Variants in CNBD1 observed in about 807,000 individuals in gnomAD.
The protein encoded by CNBD1 is cyclic nucleotide binding domain containing 1, also known as cyclic nucleotide-binding domain-containing protein 1.
CNBD1 carries 71 observed loss-of-function variants against 54.4 expected under a neutral mutation model. The observed-to-expected ratio is 1.30, with a 90% CI of 1.08 to 1.59. The LOEUF (loss-of-function observed/expected upper bound fraction) is 1.59. Among genes scored for constraint, CNBD1 ranks in the 40% most tolerant of loss-of-function variants. The pLI is 0.00. For missense variants in CNBD1, 659 were observed against 518.0 expected, an observed-to-expected ratio of 1.27 and a Z score of -2.64; for synonymous variants, 182 against 170.7, an observed-to-expected ratio of 1.07 and a Z score of -0.51.
chr8:87,308,611 C>T (rs1809203589), intron 8 of CNBD1, among the ~76,000 whole-genome samples: 1 of 152,184 alleles, frequency 6.6e-6, no homozygotes, highest in Non-Finnish European at 1.5e-5. Flanking sequence ...CAAATCTTCT[C>T]TTCCAGCTAT....
At chr8:86,948,296 C>A (rs1807518345) in intron 4 of CNBD1, among the ~76,000 whole-genome samples, 1 of 152,046 alleles carries the variant, frequency 6.6e-6, no homozygotes, top group South Asian at 2.1e-4. Flanking sequence ...ATTGCTGGAT[C>A]ATATACCTCT....
chr8:87,258,584 G>A (rs906143884), intron 6 of CNBD1, among the ~76,000 whole-genome samples: 8 of 151,806 alleles, frequency 5.3e-5, no homozygotes, highest in Admixed American at 2.0e-4. Context: ...ACCATGCCAG[G>A]CCAAAATTTT....
chr8:87,120,770 G>A (rs952885971), intron 4 of CNBD1, among the ~76,000 whole-genome samples: 7 of 151,672 alleles, frequency 4.6e-5, no homozygotes, highest in African/African-American at 1.7e-4. Context: ...ATTTTCATTT[G>A]TTTAAAGTAA....
At chr8:87,391,664 C>G (rs1811312888) in intron 2 of CNBD1, among the ~76,000 whole-genome samples, 1 of 151,962 alleles carries the variant, frequency 6.6e-6, no homozygotes, top group Non-Finnish European at 1.5e-5. Context: ...TGGATCCACA[C>G]TTTGCACAAA....
intron 5 of CNBD1, among the ~76,000 whole-genome samples, chr8:87,234,334 A>G (rs1251062998): frequency 6.6e-6 from 1 of 152,208 alleles, no homozygotes; most frequent in East Asian, 1.9e-4. Flanking sequence ...TACTTTGCCC[A>G]GCTCCATCAG....
At chr8:87,196,321 GT>G (rs1563503805) in intron 4 of CNBD1, among the ~76,000 whole-genome samples, 21 of 152,274 alleles carry the variant, frequency 1.4e-4, no homozygotes, top group African/African-American at 5.1e-4. Context: ...TTTGTTTTGG[GT>G]TACTCTTCAA....
chr8:87,396,465 A>G (rs1436525744), intron 2 of CNBD1, among the ~76,000 whole-genome samples: 1 of 151,910 alleles, frequency 6.6e-6, no homozygotes, highest in Admixed American at 6.6e-5. Context: ...TTATAATACT[A>G]TGTATGCCTG....
At chr8:87,277,042 A>C (rs1273262171) in intron 6 of CNBD1, among the ~76,000 whole-genome samples, 2 of 151,140 alleles carry the variant, frequency 1.3e-5, no homozygotes, top group Non-Finnish European at 3.0e-5. Context: ...TCTTACATTT[A>C]TGAAAGTGCT....
chr8:87,396,545 A>T (rs1480940296), intron 2 of CNBD1, among the ~76,000 whole-genome samples: 1 of 151,814 alleles, frequency 6.6e-6, no homozygotes, highest in Non-Finnish European at 1.5e-5. Context: ...ATTGACTTTT[A>T]TATTTGTATT....
In CNBD1 at chr8:87,005,582, A is replaced by AAT. The variant is rs544061131; in HGVS notation, c.431+65837_431+65838dup. ...ACTTCTGCTTGCCTATTTATTAAGA[A>AAT]ATATATATATTTCTTTTGACCTAGG... On this transcript the variant is annotated intron_variant, in intron 4 of 10. Coordinates refer to ENST00000518476, the MANE Select transcript of CNBD1 (RefSeq NM_173538.3). Among the ~76,000 whole-genome samples, 22 of 151,890 alleles carry AAT rather than the reference A, an allele frequency of 1.4e-4. No individual in the cohort carries two copies. In the South Asian group the frequency reaches 1.9e-3, roughly 13 times the overall value.
chr8:87,172,564 G>C (rs961862690), intron 4 of CNBD1, among the ~76,000 whole-genome samples: 3 of 151,752 alleles, frequency 2.0e-5, no homozygotes, highest in East Asian at 1.9e-4. Context: ...CCAATGTTAC[G>C]TGTATATATA....
At chr8:87,243,685 C>T (rs775464036) in intron 6 of CNBD1, among the ~76,000 whole-genome samples, 17 of 152,004 alleles carry the variant, frequency 1.1e-4, no homozygotes, top group Non-Finnish European at 2.2e-4. Flanking sequence ...ACAAAATGAA[C>T]GGCAACTAGA....
At chr8:87,414,219 G>C (rs1056580101) in intron 2 of CNBD1, among the ~76,000 whole-genome samples, 4 of 152,104 alleles carry the variant, frequency 2.6e-5, no homozygotes, top group East Asian at 1.9e-4. Context: ...CATGTCCTTT[G>C]TAGGGACATG....
rs547844388 is a variant in CNBD1, at chr8:87,369,149, G to A, written c.1304-13471G>A. ...TTGTATAAATTTTGGCTAGATTTTT[G>A]GCTAAATGATATTTAATAATGGCCT... On this transcript the variant is annotated intron_variant, in intron 10 of 10. Transcript: ENST00000518476. Among the ~76,000 whole-genome samples the A allele has an allele frequency of 7.5e-4, 114 of 151,700 alleles. 1 individual carries two copies. Among genetic ancestry groups the A allele is most frequent in the African/African-American group, 2.6e-3 (107 of 41,368 alleles).
At chr8:87,091,139 C>CA (rs751329879) in intron 4 of CNBD1, among the ~76,000 whole-genome samples, 22,530 of 73,736 alleles carry the variant, frequency 0.31, 2,837 homozygotes, top group Non-Finnish European at 0.35. Flanking sequence ...GACTCTGTCT[C>CA]AAAAAAAAAA....
chr8:87,380,863 C>A (rs183572870), intron 10 of CNBD1, among the ~76,000 whole-genome samples: 2 of 151,820 alleles, frequency 1.3e-5, no homozygotes, highest in Admixed American at 1.3e-4. Flanking sequence ...AAAATTGGAC[C>A]CTTACCTTGC....
chr8:87,381,062 T>A (rs1811062868), intron 10 of CNBD1, among the ~76,000 whole-genome samples: 1 of 151,964 alleles, frequency 6.6e-6, no homozygotes, highest in Non-Finnish European at 1.5e-5. Context: ...TAGAAAACGT[T>A]TGCACAGCAA....
chr8:87,353,985 G>A lies in CNBD1; in HGVS notation c.1303+199G>A, dbSNP rs886500238. On this transcript the variant is annotated intron_variant, in intron 10 of 10. Transcript: ENST00000518476. Reference sequence around the variant, plus strand: ...AAAAGGGCACATGTTTGTAGAGTGGGCTGGAAGGGAACTTCATTTTCATCA... The same window carrying A: ...AAAAGGGCACATGTTTGTAGAGTGGACTGGAAGGGAACTTCATTTTCATCA... 1.3e-5 allele frequency: 5 copies of A among 396,066 alleles called. No homozygotes were observed. The Admixed American group carries it at 1.4e-4, about 11-fold the overall frequency. The allele number at this position is 396,066 out of a possible 1,614,324, so 24.5% of individuals were successfully genotyped here. A position where few individuals can be genotyped will look rare whatever the true frequency, so the allele number is the denominator to read the frequency against.
chr8:87,187,014 A>G (rs1018017987), intron 4 of CNBD1, among the ~76,000 whole-genome samples: 2 of 152,124 alleles, frequency 1.3e-5, no homozygotes, highest in Non-Finnish European at 2.9e-5. Flanking sequence ...AATTTTTCCT[A>G]CCAAGAAGAA....
Sources: allele counts gnomAD v4.1 joint callset (sites outside exome capture counted in the v4.1 genomes callset), GRCh38; gene constraint gnomAD v4.1.1; transcripts MANE v1.5; gene names NCBI Gene and HGNC (gene_info 2026-07-23, HGNC 2026-07-21).